The following BRWD3 variants were observed in gnomAD, a reference collection of about 807,000 sequenced individuals.
BRWD3 encodes bromodomain and WD repeat domain containing 3, also known as bromodomain and WD repeat-containing protein 3.
BRWD3 carries 10 observed loss-of-function variants against 149.7 expected under a neutral mutation model. The ratio of observed to expected loss-of-function variants is 0.07; its 90% CI spans 0.04 to 0.11. The LOEUF (loss-of-function observed/expected upper bound fraction) is 0.11. Ranked by LOEUF, BRWD3 falls within the 10% of genes least tolerant of loss-of-function variation. The pLI, the probability that BRWD3 is intolerant of heterozygous loss-of-function variation, is 1.00. For synonymous variants in BRWD3, 504 were observed against 456.7 expected (o/e 1.10, Z -1.32); for missense variants, 940 against 1,373.2 (o/e 0.68, Z 4.99).
chrX:80,714,001 C>G (rs1048247559), intron 20 of BRWD3, among the ~76,000 whole-genome samples: 3 of 111,454 alleles, frequency 2.7e-5, no homozygotes, highest in Admixed American at 1.9e-4. Flanking sequence ...ATTTTAAACC[C>G]AAATGTTTCT....
At chrX:80,774,481 A>ACAG (rs775786494) in intron 6 of BRWD3, among the ~76,000 whole-genome samples, 22 of 109,666 alleles carry the variant, frequency 2.0e-4, no homozygotes, top group Non-Finnish European at 3.8e-4. Flanking sequence ...CCATCCTCAC[A>ACAG]CAGTTCCTGA....
chrX:80,792,368 G>A (rs2074190693), intron 5 of BRWD3, among the ~76,000 whole-genome samples: 1 of 112,020 alleles, frequency 8.9e-6, no homozygotes, highest in Admixed American at 9.5e-5. Flanking sequence ...ATTTATACTT[G>A]GGTACATGTT....
chrX:80,787,900 C>T (rs955259555), intron 6 of BRWD3, among the ~76,000 whole-genome samples: 11 of 108,084 alleles, frequency 1.0e-4, no homozygotes, highest in African/African-American at 3.0e-4. Flanking sequence ...CTGACTAACA[C>T]GGTGAAACCC....
Position 80,733,498 on chromosome X carries a change from T to C in BRWD3, c.1087-2A>G. 1 of 1,192,105 alleles carries C rather than the reference T, an allele frequency of 8.4e-7. No homozygotes were observed. Among genetic ancestry groups the C allele is most frequent in the Non-Finnish European group, 1.1e-6 (1 of 879,309 alleles). On this transcript the variant is annotated splice_acceptor_variant, in intron 11 of 40. Transcript: ENST00000373275. LOFTEE classifies it high-confidence loss of function. ...GAACTGAACAGCAACAACTTTATCC[T>C]AAGACATGAAACAGATTTTTCGTTA... is the stretch of plus-strand genomic sequence containing the variant.
At chrX:80,751,401 T>C (rs918044669) in intron 6 of BRWD3, among the ~76,000 whole-genome samples, 1 of 109,443 alleles carries the variant, frequency 9.1e-6, no homozygotes, top group African/African-American at 3.3e-5. Context: ...AATAAATGAA[T>C]GAAACAAACA....
chrX:80,739,904 G>A (rs2073459840), intron 8 of BRWD3, among the ~76,000 whole-genome samples: 1 of 111,963 alleles, frequency 8.9e-6, no homozygotes, highest in African/African-American at 3.2e-5. Context: ...GGCTGATGGT[G>A]GGTAACTGAA....
chrX:80,741,234 T>C (rs976763438), intron 8 of BRWD3, among the ~76,000 whole-genome samples: 3 of 112,003 alleles, frequency 2.7e-5, no homozygotes, highest in Non-Finnish European at 3.8e-5. Context: ...GCAAAGGACA[T>C]GAACTCATCA....
At position 80,754,930 on chromosome X, in the gene BRWD3, C is replaced by T. The variant is rs774248620; in HGVS notation, c.431-9201G>A. 5.4e-5 allele frequency among the ~76,000 whole-genome samples: 6 copies of T among 111,430 alleles called. No homozygotes were observed. In the East Asian group the frequency reaches 1.7e-3, roughly 31 times the overall value. ...GGCTGAGGCCAGAGAATCTCTTGAA[C>T]CCAGAAGGCGGAGGTTGCAGTAAGC... On this transcript the variant is annotated intron_variant, in intron 6 of 40. Coordinates refer to ENST00000373275, the MANE Select transcript of BRWD3 (RefSeq NM_153252.5).
chrX:80,695,799 A>G (rs1036715029), intron 27 of BRWD3, 109 bp downstream of exon 27: 1 of 615,059 alleles, frequency 1.6e-6, no homozygotes, highest in Admixed American at 3.4e-5. Flanking sequence ...TTTCTCTGGT[A>G]GCTTTTTTCA....
chrX:80,784,579 C>G (rs887923770), intron 6 of BRWD3, among the ~76,000 whole-genome samples: 1 of 110,812 alleles, frequency 9.0e-6, no homozygotes, highest in Admixed American at 9.7e-5. Context: ...GTTGTTCCCC[C>G]GCCCTGTGTC....
intron 17 of BRWD3, among the ~76,000 whole-genome samples, chrX:80,720,591 G>A (rs879165751): frequency 9.0e-6 from 1 of 111,515 alleles, no homozygotes; most frequent in Non-Finnish European, 1.9e-5. Flanking sequence ...AACCTAAAAA[G>A]TGTTTCCAGT....
At chrX:80,717,326 C>T in intron 19 of BRWD3, 1 of 381,468 alleles carries the variant, frequency 2.6e-6, no homozygotes, top group Non-Finnish European at 4.6e-6. Context: ...TTCTTCTAAT[C>T]TAGGCTATAA....
chrX:80,744,324 CA>C (rs1225370986), intron 7 of BRWD3, 71 bp from the exon 8 acceptor site: 7 of 793,538 alleles, frequency 8.8e-6, no homozygotes, highest in Non-Finnish European at 1.3e-5. Flanking sequence ...AAAAAATAGC[CA>C]AAAAGAAGAT....
At chrX:80,710,501 G>A (rs2072947552) in intron 20 of BRWD3, 3 of 393,805 alleles carry the variant, frequency 7.6e-6, no homozygotes, top group Non-Finnish European at 1.4e-5. Flanking sequence ...CATGCCTGAA[G>A]AGAGACAATT....
At chrX:80,746,779 A>G in intron 6 of BRWD3, 3 of 612,550 alleles carry the variant, frequency 4.9e-6, no homozygotes, top group Non-Finnish European at 5.9e-6. Context: ...TATGATTAGA[A>G]CCATGCCACA....
chrX:80,739,517 TAGAG>T (rs2073453320), intron 8 of BRWD3, among the ~76,000 whole-genome samples: 1 of 111,259 alleles, frequency 9.0e-6, no homozygotes, highest in Non-Finnish European at 1.9e-5. Context: ...AAGAGTATGA[TAGAG>T]AGGTCTACAG....
rs774356930 is a variant in BRWD3, at chrX:80,733,870, C to G, written c.1086+248G>C. ...ATGTTTGAAAATAAATCAATCATTT[C>G]CTGTTTCCCACATCATTTATTTAAT... On this transcript the variant is annotated intron_variant, in intron 11 of 40. Coordinates refer to ENST00000373275, the MANE Select transcript of BRWD3 (RefSeq NM_153252.5). Among the ~76,000 whole-genome samples the G allele has an allele frequency of 7.2e-5, 8 of 111,272 alleles. No homozygotes were observed. In the East Asian group the frequency reaches 2.3e-3, roughly 31 times the overall value.
intron 6 of BRWD3, among the ~76,000 whole-genome samples, chrX:80,788,459 T>C (rs2074140246): frequency 8.9e-6 from 1 of 111,913 alleles, no homozygotes; most frequent in Non-Finnish European, 1.9e-5. Flanking sequence ...AATATGCACA[T>C]GAAAAGATAC....
At chrX:80,742,803 G>A (rs781038769) in intron 8 of BRWD3, among the ~76,000 whole-genome samples, 5 of 111,474 alleles carry the variant, frequency 4.5e-5, no homozygotes, top group South Asian at 3.8e-4. Flanking sequence ...GGGCTGAGAC[G>A]ATGGAGTTTT....
Sources: allele counts gnomAD v4.1 joint callset (sites outside exome capture counted in the v4.1 genomes callset), GRCh38; gene constraint gnomAD v4.1.1; transcripts MANE v1.5; gene names NCBI Gene and HGNC (gene_info 2026-07-23, HGNC 2026-07-21).